Variants in RHBDD1 observed in about 807,000 individuals in gnomAD.
RHBDD1 encodes the protein rhomboid domain containing 1.
In RHBDD1, 38 loss-of-function variants were observed where a neutral mutation model predicts 36.3. That is an observed-to-expected ratio of 1.05 (90% CI 0.81 to 1.37). The LOEUF is 1.37. Among genes scored for constraint, RHBDD1 ranks in the 40% most tolerant of loss-of-function variants. The probability of loss-of-function intolerance (pLI) is 0.00; values close to 1 mark genes in which losing one functional copy is unlikely to be tolerated. For synonymous variants in RHBDD1, 151 were observed against 136.5 expected, an observed-to-expected ratio of 1.11 and a Z score of -0.74; for missense variants, 393 against 377.6, an observed-to-expected ratio of 1.04 and a Z score of -0.34.
chr2:226,994,342 T>G (rs904274089), intron 8 of RHBDD1, among the ~76,000 whole-genome samples: 3 of 152,118 alleles, frequency 2.0e-5, no homozygotes, highest in Non-Finnish European at 4.4e-5. Flanking sequence ...GGTGCAGAAA[T>G]GCCTACACAT....
chr2:226,878,355 A>C (rs1945419470), intron 5 of RHBDD1, among the ~76,000 whole-genome samples: 1 of 152,222 alleles, frequency 6.6e-6, no homozygotes, highest in Non-Finnish European at 1.5e-5. Flanking sequence ...CAATAGCTTC[A>C]GTCCCACGTG....
intron 3 of RHBDD1, among the ~76,000 whole-genome samples, chr2:226,843,875 T>C (rs769455725): frequency 4.6e-5 from 7 of 152,192 alleles, no homozygotes; most frequent in Non-Finnish European, 8.8e-5. Flanking sequence ...CCCTGGTAGA[T>C]AGAATTCAGC....
intron 3 of RHBDD1, among the ~76,000 whole-genome samples, chr2:226,859,802 C>T (rs1943679303): frequency 6.6e-6 from 1 of 152,104 alleles, no homozygotes; most frequent in African/African-American, 2.4e-5. Flanking sequence ...CTTATTCTTG[C>T]TGTGATGACA....
At chr2:226,818,443 G>A in the RHBDD1 span, among the ~76,000 whole-genome samples, 4 of 151,168 alleles carry the variant, frequency 2.6e-5, no homozygotes, top group African/African-American at 7.3e-5. Flanking sequence ...TGGGATTACA[G>A]GTGTGAGCCA....
At chr2:226,921,760 T>G (rs1949329801) in intron 8 of RHBDD1, among the ~76,000 whole-genome samples, 1 of 152,188 alleles carries the variant, frequency 6.6e-6, no homozygotes, top group South Asian at 2.1e-4. Flanking sequence ...TAACATATAG[T>G]CTATCCTTGA....
At chr2:226,892,793 G>T (rs74366673) in intron 5 of RHBDD1, among the ~76,000 whole-genome samples, 35 of 152,102 alleles carry the variant, frequency 2.3e-4, no homozygotes, top group African/African-American at 8.4e-4. Context: ...ACCTGAACAC[G>T]TTGGAATTTC....
intron 5 of RHBDD1, among the ~76,000 whole-genome samples, chr2:226,871,792 G>A (rs890831342): frequency 1.3e-5 from 2 of 152,206 alleles, no homozygotes; most frequent in Non-Finnish European, 2.9e-5. Context: ...CCATAGGGAT[G>A]ATACATGTTG....
At chr2:226,889,931 G>C (rs1946553074) in intron 5 of RHBDD1, among the ~76,000 whole-genome samples, 1 of 152,090 alleles carries the variant, frequency 6.6e-6, no homozygotes, top group African/African-American at 2.4e-5. Flanking sequence ...TGTAAAATGA[G>C]ACCAATAATA....
chr2:226,822,251 T>G, the RHBDD1 span, among the ~76,000 whole-genome samples: 2 of 152,268 alleles, frequency 1.3e-5, no homozygotes, highest in African/African-American at 4.8e-5. Context: ...TATATTATAT[T>G]CATTTGAGAA....
intron 5 of RHBDD1, among the ~76,000 whole-genome samples, chr2:226,882,620 C>T (rs1945863447): frequency 6.6e-6 from 1 of 151,794 alleles, no homozygotes; most frequent in Non-Finnish European, 1.5e-5. Flanking sequence ...CCGCCCCCCG[C>T]CCCGAACCTC....
intron 8 of RHBDD1, among the ~76,000 whole-genome samples, chr2:226,941,350 G>A (rs1950654572): frequency 6.6e-6 from 1 of 152,180 alleles, no homozygotes; most frequent in Non-Finnish European, 1.5e-5. Flanking sequence ...AGCCTTCTGG[G>A]CTTGACTGCA....
chr2:226,924,575 C>T (rs918316458), intron 8 of RHBDD1, among the ~76,000 whole-genome samples: 2 of 152,196 alleles, frequency 1.3e-5, no homozygotes, highest in Non-Finnish European at 2.9e-5. Flanking sequence ...CCCAGCACAG[C>T]ACCAGAGCTT....
At chr2:226,833,059 T>C (rs1450473469), upstream of RHBDD1, among the ~76,000 whole-genome samples, 1 of 152,198 alleles carries the variant, frequency 6.6e-6, no homozygotes, top group Non-Finnish European at 1.5e-5. Flanking sequence ...TACAAATCTC[T>C]TATGGTTAGT....
chr2:226,837,875 A>G (rs1343513031), intron 1 of RHBDD1, 198 bp from the exon 2 acceptor site: 2 of 152,224 alleles, frequency 1.3e-5, no homozygotes, highest in East Asian at 1.9e-4. Flanking sequence ...TTATTGTAAC[A>G]TAGTGACTTG....
chr2:226,811,113 A>G, the RHBDD1 span: 4 of 152,134 alleles, frequency 2.6e-5, no homozygotes, highest in African/African-American at 9.7e-5. Flanking sequence ...GATTGCCAAA[A>G]CAAAAGCCAT....
the RHBDD1 span, among the ~76,000 whole-genome samples, chr2:226,816,907 A>G: frequency 7.1e-6 from 1 of 140,210 alleles, no homozygotes; most frequent in African/African-American, 2.5e-5. Flanking sequence ...AAAACCACAC[A>G]CACACGTCTA....
chr2:226,969,989 T>TGGG, intron 8 of RHBDD1, among the ~76,000 whole-genome samples: 1 of 112,002 alleles, frequency 8.9e-6, no homozygotes. Context: ...TTTACAACTG[T>TGGG]CCCCCCCCCC....
intron 3 of RHBDD1, among the ~76,000 whole-genome samples, chr2:226,840,757 AT>A (rs1170400552): frequency 6.6e-6 from 1 of 152,244 alleles, no homozygotes; most frequent in Admixed American, 6.5e-5. Flanking sequence ...AAGTCACAAT[AT>A]CAGGATAGTA....
chr2:226,935,766 A>G (rs1301429962), intron 8 of RHBDD1, among the ~76,000 whole-genome samples: 2 of 152,122 alleles, frequency 1.3e-5, no homozygotes, highest in African/African-American at 4.8e-5. Flanking sequence ...AGTTTTTGAC[A>G]TACAGGTCTC....
Sources: gnomAD v4.1 joint callset for allele counts (sites outside exome capture counted in the v4.1 genomes callset) on GRCh38, gnomAD v4.1.1 for gene constraint, MANE v1.5 for transcripts, NCBI Gene and HGNC (gene_info 2026-07-23, HGNC 2026-07-21) for gene names.